SRCAP: variants seen among roughly 807,000 people sequenced by gnomAD.
The protein encoded by SRCAP is Snf2 related CREBBP activator protein.
A neutral mutation model predicts 263.1 loss-of-function variants in SRCAP; 46 were observed. That is an observed-to-expected ratio of 0.17 (90% CI 0.14 to 0.22). SRCAP has a LOEUF of 0.22. Ranked by LOEUF, SRCAP falls within the 10% of genes least tolerant of loss-of-function variation. The pLI is 1.00. For synonymous variants in SRCAP, 1,813 were observed against 1,662.1 expected (o/e 1.09, Z -2.21); for missense variants, 3,695 against 4,181.9 (o/e 0.88, Z 3.21).
In SRCAP at chr16:30,711,017, C is replaced by G; in HGVS notation, c.1247C>G (p.Thr416Ser). ...TTCCTAGCGGAGGATGAAGAGGATA[C>G]TATAGCAGCTGAGGAACAGTTGGAA... ...NEEEAEDEED[T>S]IAAEEQLEGE... Residue 416 changes from threonine (T) to serine (S), a missense_variant, in exon 10 of 34, where the codon ACT becomes AGT. Coordinates refer to ENST00000262518, the MANE Select transcript of SRCAP (RefSeq NM_006662.3). 1 of 1,614,092 alleles carries G rather than the reference C, an allele frequency of 6.2e-7. No homozygotes were observed. Among genetic ancestry groups the G allele is most frequent in the Non-Finnish European group, 8.5e-7 (1 of 1,180,006 alleles).
rs147477244 is a variant in SRCAP at position 30,725,055 on chromosome 16, C to A, written c.5631C>A (p.Pro1877=). 28 of 1,612,404 alleles carry A rather than the reference C, an allele frequency of 1.7e-5. No homozygotes were observed. The highest frequency in any genetic ancestry group is 2.7e-5 in the African/African-American group (2 of 74,902). The stretch of plus-strand genomic sequence containing the variant: ...GCCCCCGGCCTCGACGCCAGCCCCC[C>A]CCACCACCTCGTTCCCCTTTTTATC... The part of the protein sequence containing the change: ...FGGPRPRRQP[P]PPPRSPFYLD... Residue 1877 remains proline (P), a synonymous_variant, in exon 25 of 34, where the codon CCC becomes CCA. Coordinates refer to ENST00000262518, the MANE Select transcript of SRCAP (RefSeq NM_006662.3).
chr16:30,707,687 G>C lies in SRCAP; in HGVS notation c.608G>C (p.Arg203Thr). The change falls in exon 6 of 34, where the codon AGG becomes ACG. Residue 203 changes from arginine to threonine, a missense_variant. Around this residue, in one of 12 missense-constraint regions of SRCAP, gnomAD observed 107 missense variants for 223.8 expected, o/e 0.48. Coordinates refer to ENST00000262518, the MANE Select transcript of SRCAP (RefSeq NM_006662.3). ...GCTTCCACCATGGCCAAGGATGTCA[G>C]GCAGTTCTGGAGCAATGTGGAGAAG... ...RIASTMAKDV[R>T]QFWSNVEKVV... is the part of the protein sequence containing the mutation. 1 of 1,614,202 alleles carries C rather than the reference G, an allele frequency of 6.2e-7. No homozygotes were observed. Among genetic ancestry groups the C allele is most frequent in the South Asian group, 1.1e-5 (1 of 91,088 alleles).
Position 30,724,805 on chromosome 16 carries a change from C to T in SRCAP, c.5381C>T (p.Pro1794Leu), listed in dbSNP as rs758738543. 1 of 1,613,722 alleles carries T rather than the reference C, an allele frequency of 6.2e-7. No individual in the cohort carries two copies. Among genetic ancestry groups the T allele is most frequent in the East Asian group, 2.2e-5 (1 of 44,866 alleles). ...CAGACACTGACCTTGAGCCCTGCCCCAGTTCCTACCCTGGGCCCGGCCGCA... is the reference window on the plus strand; with the variant it reads ...CAGACACTGACCTTGAGCCCTGCCCTAGTTCCTACCCTGGGCCCGGCCGCA... The part of the protein sequence containing the change: ...SVQTLTLSPA[P>L]VPTLGPAAAQ... Residue 1794 changes from proline to leucine, a missense_variant, in exon 25 of 34, where the codon CCA becomes CTA. Pro to Leu is a moderately conservative substitution (Grantham distance 98, BLOSUM62 -3). Transcript: ENST00000262518.
rs1246765240 is a variant in SRCAP at position 30,723,967 on chromosome 16, C to A, written c.4543C>A (p.Leu1515Met). 1.9e-6 allele frequency: 3 copies of A among 1,614,182 alleles called. No individual in the cohort carries two copies. Among genetic ancestry groups the A allele is most frequent in the Non-Finnish European group, 2.5e-6 (3 of 1,180,030 alleles). ...TCTAGGTTTGGCCACAGCTCCATCCCTGTCTTCATCTCAGACACCTGGTCA... is the reference window on the plus strand; with the variant it reads ...TCTAGGTTTGGCCACAGCTCCATCCATGTCTTCATCTCAGACACCTGGTCA... ...LTLGLATAPSLSSSQTPGHPL... is the reference protein window; with the variant it reads ...LTLGLATAPSMSSSQTPGHPL... The change falls in exon 25 of 34, where the codon CTG (leucine) becomes ATG (methionine). Residue 1515 changes from leucine (L) to methionine (M), a missense_variant. Around this residue, in one of 12 missense-constraint regions of SRCAP, gnomAD observed 1,347 missense variants for 1,304.4 expected, o/e 1.03. Coordinates refer to ENST00000262518, the MANE Select transcript of SRCAP (RefSeq NM_006662.3).
At chr16:30,731,077 C>T (rs2053110317) in intron 27 of SRCAP, among the ~76,000 whole-genome samples, 1 of 152,074 alleles carries the variant, frequency 6.6e-6, no homozygotes, top group Non-Finnish European at 1.5e-5. Context: ...TGCCATAACT[C>T]CAGGGTATAC....
chr16:30,714,831 ATGG>A (rs1444141935), intron 16 of SRCAP, among the ~76,000 whole-genome samples: 1 of 151,836 alleles, frequency 6.6e-6, no homozygotes, highest in Non-Finnish European at 1.5e-5. Flanking sequence ...TTTTTTTTAA[ATGG>A]TGATGTTTTT....
At chr16:30,716,607 T>C (rs937738759) in intron 18 of SRCAP, 128 bp downstream of exon 18, 6 of 838,334 alleles carry the variant, frequency 7.2e-6, no homozygotes, top group Non-Finnish European at 1.1e-5. Context: ...CTTAGTTTTA[T>C]TGTACTCTAG....
At chr16:30,727,048 A>C (rs1364086030) in intron 25 of SRCAP, among the ~76,000 whole-genome samples, 1 of 152,070 alleles carries the variant, frequency 6.6e-6, no homozygotes, top group East Asian at 1.9e-4. Flanking sequence ...CATGTTTGCC[A>C]CGCTGGTTTC....
rs117804715 is a variant in SRCAP at position 30,724,027 on chromosome 16, C to A, written c.4603C>A (p.Pro1535Thr). 3 of 1,613,872 alleles carry A rather than the reference C, an allele frequency of 1.9e-6. No homozygotes were observed. The highest frequency in any genetic ancestry group is 2.5e-6 in the Non-Finnish European group (3 of 1,180,020). The change falls in exon 25 of 34, where the codon CCA becomes ACA. Residue 1535 changes from proline to threonine, a missense_variant. This residue lies in a region of SRCAP where 1,347 missense variants were observed against 1,304.4 expected (regional missense o/e 1.03). Transcript: ENST00000262518. ...GTTGGCTCCCACCTCTTCACATGTTCCAGGGTTGAACTCAACCGTGGCCCC... is the reference window on the plus strand; with the variant it reads ...GTTGGCTCCCACCTCTTCACATGTTACAGGGTTGAACTCAACCGTGGCCCC... ...LLLAPTSSHV[P>T]GLNSTVAPAC... is the part of the protein sequence containing the mutation.
chr16:30,707,118 CA>C, intron 4 of SRCAP, 64 bp from the exon 5 acceptor site: 1 of 1,544,028 alleles, frequency 6.5e-7, no homozygotes, highest in Non-Finnish European at 8.9e-7. Flanking sequence ...CTCAGGAATT[CA>C]GCCGTGGCAG....
In SRCAP at chr16:30,721,330, C is replaced by T. The variant is rs773636301; in HGVS notation, c.3395C>T (p.Thr1132Ile). Residue 1132 changes from threonine (T) to isoleucine (I), a missense_variant, in exon 21 of 34, where the codon ACA (threonine) becomes ATA (isoleucine). Physicochemically the swap from Thr to Ile is moderately conservative, Grantham distance 89. Around this residue, in one of 12 missense-constraint regions of SRCAP, gnomAD observed 1,347 missense variants for 1,304.4 expected, o/e 1.03. Coordinates refer to ENST00000262518, the MANE Select transcript of SRCAP (RefSeq NM_006662.3). Reference sequence around the variant, plus strand: ...TCCTCTAGCCTGTTGAAGCCCCTGACAGTGCCACCAGGCTACACCTTCCCT... The same window carrying T: ...TCCTCTAGCCTGTTGAAGCCCCTGATAGTGCCACCAGGCTACACCTTCCCT... The part of the protein sequence containing the change: ...PGSSSLLKPL[T>I]VPPGYTFPPA... 5.7e-5 allele frequency: 92 copies of T among 1,614,056 alleles called. No individual in the cohort carries two copies. The highest frequency in any genetic ancestry group is 7.7e-5 in the Non-Finnish European group (91 of 1,180,056).
rs144623507 is a variant in SRCAP at position 30,738,522 on chromosome 16, C to G, written c.8482C>G (p.Arg2828Gly). The change falls in exon 34 of 34, where the codon CGC becomes GGC. Residue 2828 changes from arginine to glycine, a missense_variant. Physicochemically the swap from Arg to Gly is moderately radical, Grantham distance 125. Around this residue, in one of 12 missense-constraint regions of SRCAP, gnomAD observed 1,207 missense variants for 1,142.9 expected, o/e 1.06. Coordinates refer to ENST00000262518, the MANE Select transcript of SRCAP (RefSeq NM_006662.3). Reference protein sequence around the residue: ...PTPPQQPFIARRHIELGVTGG... With the variant: ...PTPPQQPFIAGRHIELGVTGG... ...TCCACCCCAGCAGCCCTTCATTGCT[C>G]GCCGTCACATTGAGCTGGGGGTGAC... 3 of 1,612,030 alleles carry G rather than the reference C, an allele frequency of 1.9e-6. No homozygotes were observed. The highest frequency in any genetic ancestry group is 2.5e-6 in the Non-Finnish European group (3 of 1,178,974).
At chr16:30,708,220 A>G (rs2052848911) in intron 6 of SRCAP, among the ~76,000 whole-genome samples, 1 of 151,702 alleles carries the variant, frequency 6.6e-6, no homozygotes. Context: ...CTATTTTTTA[A>G]TTGTCTTGGA....
intron 30 of SRCAP, 69 bp downstream of exon 30, chr16:30,734,077 T>C: frequency 7.2e-7 from 1 of 1,380,526 alleles, no homozygotes; most frequent in Non-Finnish European, 1.0e-6. Context: ...CTCCTGTTTA[T>C]TAAAGAAGAC....
intron 3 of SRCAP, among the ~76,000 whole-genome samples, chr16:30,702,040 G>A (rs550320736): frequency 2.0e-4 from 30 of 149,026 alleles, no homozygotes; most frequent in Admixed American, 1.1e-3. Flanking sequence ...TGCAACCTCC[G>A]CCTCCCGGGT....
chr16:30,712,579 G>C (rs914559402), intron 13 of SRCAP, 100 bp from the exon 14 acceptor site: 2 of 1,563,496 alleles, frequency 1.3e-6, no homozygotes, highest in Non-Finnish European at 1.7e-6. Flanking sequence ...TAGGTGCTAG[G>C]ATTCCTAGGA....
At position 30,724,730 on chromosome 16, in the gene SRCAP, C is replaced by G; in HGVS notation, c.5306C>G (p.Thr1769Ser). Reference protein sequence around the residue: ...PVGPAPAHTLTLAPASSSASL... With the variant: ...PVGPAPAHTLSLAPASSSASL... Reference sequence around the variant, plus strand: ...GGCCCAGCCCCAGCTCACACGCTGACTTTGGCTCCAGCATCGTCATCTGCT... The same window carrying G: ...GGCCCAGCCCCAGCTCACACGCTGAGTTTGGCTCCAGCATCGTCATCTGCT... Residue 1769 changes from threonine (T) to serine (S), a missense_variant, in exon 25 of 34, where the codon ACT (threonine) becomes AGT (serine). Physicochemically the swap from Thr to Ser is moderately conservative, Grantham distance 58. This residue lies in a region of SRCAP where 1,347 missense variants were observed against 1,304.4 expected (regional missense o/e 1.03). Transcript: ENST00000262518. The G allele has an allele frequency of 6.2e-7, 1 of 1,614,114 alleles. No homozygotes were observed.
Position 30,716,341 on chromosome 16 carries a change from T to C in SRCAP, c.2679T>C (p.Ile893=). Residue 893 remains isoleucine, a synonymous_variant, in exon 18 of 34, where the codon ATT becomes ATC. Transcript: ENST00000262518. ...ATGHFMSVIN[I]LMQLRKVCNH... ...GCCATTTCATGAGCGTCATCAACATTTTGATGCAGCTGAGAAAAGTTTGCA... is the reference window on the plus strand; with the variant it reads ...GCCATTTCATGAGCGTCATCAACATCTTGATGCAGCTGAGAAAAGTTTGCA... The C allele has an allele frequency of 6.2e-7, 1 of 1,614,144 alleles. No individual in the cohort carries two copies. Among genetic ancestry groups the C allele is most frequent in the Non-Finnish European group, 8.5e-7 (1 of 1,180,034 alleles).
Position 30,729,224 on chromosome 16 carries a change from A to T in SRCAP, c.5917A>T (p.Ile1973Phe). The part of the protein sequence containing the change: ...QQRLDQLSEI[I>F]ERFIFVMPPV... ...GCGACTAGACCAGCTGTCAGAAATCATTGAGAGGTTGGCAGGGCTAAGTGC... is the reference window on the plus strand; with the variant it reads ...GCGACTAGACCAGCTGTCAGAAATCTTTGAGAGGTTGGCAGGGCTAAGTGC... The change falls in exon 26 of 34, where the codon ATT becomes TTT. Residue 1973 changes from isoleucine (I) to phenylalanine (F), a missense_variant. Ile to Phe is a conservative substitution (Grantham distance 21, BLOSUM62 0). Transcript: ENST00000262518. 2 of 1,606,406 alleles carry T rather than the reference A, an allele frequency of 1.2e-6. No homozygotes were observed. The highest frequency in any genetic ancestry group is 1.7e-6 in the Non-Finnish European group (2 of 1,174,510).
Sources: gnomAD v4.1 joint callset for allele counts (sites outside exome capture counted in the v4.1 genomes callset) on GRCh38, gnomAD v4.1.1 for gene constraint, gnomAD v4.1.1 regional missense constraint, MANE v1.5 for transcripts, NCBI Gene and HGNC (gene_info 2026-07-23, HGNC 2026-07-21) for gene names.